The following BANK1 variants were observed in gnomAD, a reference collection of about 807,000 sequenced individuals.
The protein encoded by BANK1 is B-cell scaffold protein with ankyrin repeats.
In BANK1, 95 loss-of-function variants were observed where a neutral mutation model predicts 94.5. The observed-to-expected ratio is 1.00, with a 90% CI of 0.85 to 1.19. The LOEUF is 1.19. BANK1 is among the 50% of genes most tolerant of loss of function. The pLI, the probability that BANK1 is intolerant of heterozygous loss-of-function variation, is 0.00. For missense variants in BANK1, 987 were observed against 932.2 expected (o/e 1.06, Z -0.77); for synonymous variants, 334 against 308.4 (o/e 1.08, Z -0.87).
At chr4:101,806,944 A>T (rs1725574045) in intron 1 of BANK1, among the ~76,000 whole-genome samples, 1 of 152,180 alleles carries the variant, frequency 6.6e-6, no homozygotes, top group South Asian at 2.1e-4. Context: ...CTTTACCCTA[A>T]CCCAATATCA....
intron 7 of BANK1, among the ~76,000 whole-genome samples, chr4:102,007,419 T>C (rs1285496953): frequency 1.3e-5 from 2 of 151,484 alleles, no homozygotes; most frequent in Non-Finnish European, 3.0e-5. Flanking sequence ...GTGCTAAAAG[T>C]TTAAATTCTT....
At chr4:101,916,926 C>T (rs1560631764) in intron 6 of BANK1, among the ~76,000 whole-genome samples, 1 of 151,900 alleles carries the variant, frequency 6.6e-6, no homozygotes, top group Non-Finnish European at 1.5e-5. Flanking sequence ...AACAAATGTA[C>T]ACTGTAGATT....
At chr4:101,859,242 G>C (rs1031539986) in intron 3 of BANK1, among the ~76,000 whole-genome samples, 2 of 152,210 alleles carry the variant, frequency 1.3e-5, no homozygotes, top group South Asian at 2.1e-4. Context: ...TGCCTTCTCA[G>C]AGGTGAAGTT....
chr4:101,865,784 G>C (rs1269609197), intron 4 of BANK1, among the ~76,000 whole-genome samples: 1 of 151,916 alleles, frequency 6.6e-6, no homozygotes, highest in African/African-American at 2.4e-5. Context: ...GTGGATTACT[G>C]TTTAAAAAAG....
intron 7 of BANK1, among the ~76,000 whole-genome samples, chr4:102,017,086 G>T (rs182176722): frequency 2.0e-5 from 3 of 152,278 alleles, no homozygotes; most frequent in Middle Eastern, 3.4e-3. Context: ...GTGATACATT[G>T]TTTTAATATT....
chr4:101,948,938 A>C (rs530208926), intron 7 of BANK1, among the ~76,000 whole-genome samples: 1 of 152,168 alleles, frequency 6.6e-6, no homozygotes, highest in South Asian at 2.1e-4. Context: ...TGTTGCATTA[A>C]TTTTTATTTT....
At chr4:101,849,693 T>C (rs1727401021) in intron 2 of BANK1, among the ~76,000 whole-genome samples, 1 of 152,224 alleles carries the variant, frequency 6.6e-6, no homozygotes, top group East Asian at 1.9e-4. Context: ...TATGTCTATC[T>C]AATTACCTTC....
At chr4:101,880,044 C>T (rs1728620200) in intron 5 of BANK1, among the ~76,000 whole-genome samples, 2 of 152,040 alleles carry the variant, frequency 1.3e-5, no homozygotes, top group South Asian at 2.1e-4. Flanking sequence ...CAAAGATGCC[C>T]ACTTTCACCA....
rs1226971705 is a variant in BANK1, at chr4:101,914,809, A to G, written c.1010-3184A>G. 2.0e-5 allele frequency among the ~76,000 whole-genome samples: 3 copies of G among 152,188 alleles called. No homozygotes were observed. In the East Asian group the frequency reaches 5.8e-4, roughly 29 times the overall value. On this transcript the variant is annotated intron_variant, in intron 6 of 16. Coordinates refer to ENST00000322953, the MANE Select transcript of BANK1 (RefSeq NM_017935.5). ...GGCATGCCACTGCTTTCAAGTGCTT[A>G]GAAATACTACACAGCACTTCAGCAC...
rs774117619 is a variant in BANK1, at chr4:101,870,559, C to T, written c.818C>T (p.Ala273Val). ...GTCTACTGTGATGGAATCGTTAAAG[C>T]TACAACCAAAATTAAGTACTACCCA... Reference protein sequence around the residue: ...VNVYCDGIVKATTKIKYYPTA... With the variant: ...VNVYCDGIVKVTTKIKYYPTA... The change falls in exon 5 of 17, where the codon GCT (alanine) becomes GTT (valine). Residue 273 changes from alanine (A) to valine (V), a missense_variant. Physicochemically the swap from Ala to Val is moderately conservative, Grantham distance 64 (BLOSUM62 0). Coordinates refer to ENST00000322953, the MANE Select transcript of BANK1 (RefSeq NM_017935.5). 7 of 1,612,778 alleles carry T rather than the reference C, an allele frequency of 4.3e-6. No homozygotes were observed. In the Admixed American group the frequency reaches 1.2e-4, roughly 27 times the overall value.
intron 7 of BANK1, among the ~76,000 whole-genome samples, chr4:101,947,463 A>T (rs1723975701): frequency 6.6e-6 from 1 of 151,280 alleles, no homozygotes; most frequent in African/African-American, 2.4e-5. Context: ...TGAAGAATAC[A>T]TCATTTAATT....
rs577106923 is a variant in BANK1, at chr4:102,062,013, G to A, written c.2149-1062G>A. ...GCCAAAATCCAAACAACAAAAAGATGAATATTCCTCCTGTTTCCTCAACAC... is the reference window on the plus strand; with the variant it reads ...GCCAAAATCCAAACAACAAAAAGATAAATATTCCTCCTGTTTCCTCAACAC... On this transcript the variant is annotated intron_variant, in intron 12 of 16. Transcript: ENST00000322953. 8 of 152,290 alleles carry A rather than the reference G, an allele frequency of 5.3e-5. No individual in the cohort carries two copies. The South Asian group carries it at 1.4e-3, about 28-fold the overall frequency. 9.4% of individuals were successfully genotyped at this position (152,290 alleles called of 1,614,324 possible). A position where few individuals can be genotyped will look rare whatever the true frequency, so the allele number is the denominator to read the frequency against.
chr4:101,792,441 T>G (rs1305966120), intron 1 of BANK1, among the ~76,000 whole-genome samples: 3 of 136,758 alleles, frequency 2.2e-5, no homozygotes, highest in African/African-American at 5.5e-5. Context: ...ATCCAGTGGT[T>G]TGTGTGTGTG....
At chr4:101,884,807 A>C (rs1398520915) in intron 5 of BANK1, among the ~76,000 whole-genome samples, 4 of 152,182 alleles carry the variant, frequency 2.6e-5, no homozygotes, top group African/African-American at 9.6e-5. Flanking sequence ...TTTTGCCTAA[A>C]CTACTATAAT....
chr4:101,922,227 T>C (rs952752596), intron 7 of BANK1, among the ~76,000 whole-genome samples: 7 of 151,824 alleles, frequency 4.6e-5, no homozygotes, highest in African/African-American at 1.7e-4. Context: ...AACCAATTAC[T>C]CAGAAGTTAG....
At chr4:101,963,307 A>G (rs906637153) in intron 7 of BANK1, among the ~76,000 whole-genome samples, 14 of 152,136 alleles carry the variant, frequency 9.2e-5, no homozygotes, top group Non-Finnish European at 1.9e-4. Flanking sequence ...ACCAATTAAT[A>G]TTTGTATTTA....
chr4:101,804,349 G>C (rs1269083425), intron 1 of BANK1, among the ~76,000 whole-genome samples: 5 of 152,178 alleles, frequency 3.3e-5, no homozygotes, highest in African/African-American at 1.2e-4. Context: ...CTAAAATGGT[G>C]TATGATGACA....
At chr4:101,840,443 C>T (rs894133921) in intron 2 of BANK1, among the ~76,000 whole-genome samples, 2 of 152,136 alleles carry the variant, frequency 1.3e-5, no homozygotes, top group Admixed American at 6.5e-5. Context: ...CTCTGAAGCA[C>T]TGTGACTTGT....
intron 7 of BANK1, among the ~76,000 whole-genome samples, chr4:101,960,903 C>T (rs1724544958): frequency 6.6e-6 from 1 of 152,116 alleles, no homozygotes; most frequent in Admixed American, 6.6e-5. Flanking sequence ...CTCAGGTTCT[C>T]AATTTTTCCA....
Sources: allele counts gnomAD v4.1 joint callset (sites outside exome capture counted in the v4.1 genomes callset), GRCh38; gene constraint gnomAD v4.1.1; transcripts MANE v1.5; gene names NCBI Gene and HGNC (gene_info 2026-07-23, HGNC 2026-07-21).